MYO16: variants seen among roughly 807,000 people sequenced by gnomAD.
The protein encoded by MYO16 is myosin XVI, also known as unconventional myosin-XVI.
Under a neutral mutation model 205.3 loss-of-function variants are expected in MYO16, and 94 were observed. The observed-to-expected ratio is 0.46, with a 90% CI of 0.39 to 0.54. The LOEUF (loss-of-function observed/expected upper bound fraction) is 0.54, where lower values mean the gene tolerates loss of function less well. MYO16 is among the 20% of genes least tolerant of loss of function. The pLI is 0.00. For synonymous variants in MYO16, 988 were observed against 954.0 expected (o/e 1.04, Z -0.66); for missense variants, 2,315 against 2,387.5 (o/e 0.97, Z 0.63).
chr13:109,090,064 T>C (rs933890222), intron 27 of MYO16, among the ~76,000 whole-genome samples: 7 of 152,202 alleles, frequency 4.6e-5, no homozygotes, highest in African/African-American at 1.7e-4. Context: ...GTTTGAGTGG[T>C]GCATTTGTGT....
intron 4 of MYO16, among the ~76,000 whole-genome samples, chr13:108,747,729 A>T (rs7988524): frequency 6.6e-6 from 1 of 152,130 alleles, no homozygotes; most frequent in Non-Finnish European, 1.5e-5. Flanking sequence ...AATTAAAAGA[A>T]ACAGATCATT....
intron 22 of MYO16, among the ~76,000 whole-genome samples, chr13:109,014,620 G>T (rs1050471229): frequency 6.6e-6 from 1 of 152,156 alleles, no homozygotes; most frequent in African/African-American, 2.4e-5. Flanking sequence ...TCTTCCATTT[G>T]TTTGTGTCCT....
At chr13:109,073,328 G>A (rs1887986386) in intron 27 of MYO16, among the ~76,000 whole-genome samples, 1 of 151,570 alleles carries the variant, frequency 6.6e-6, no homozygotes, top group South Asian at 2.1e-4. Flanking sequence ...GGCCAGGTTG[G>A]TCTCGAACTC....
At chr13:109,152,048 T>C (rs1877700924) in intron 32 of MYO16, among the ~76,000 whole-genome samples, 2 of 152,300 alleles carry the variant, frequency 1.3e-5, no homozygotes, top group Middle Eastern at 3.4e-3. Flanking sequence ...CACAGATCCT[T>C]TCTTAAGTAA....
At chr13:108,897,955 A>G in intron 14 of MYO16, 61 bp from the exon 15 acceptor site, 2 of 1,258,220 alleles carry the variant, frequency 1.6e-6, no homozygotes, top group Non-Finnish European at 2.3e-6. Context: ...CGTCGCTATT[A>G]CTCATCAATT....
the MYO16 span, among the ~76,000 whole-genome samples, chr13:108,540,224 C>T: frequency 6.6e-6 from 1 of 152,218 alleles, no homozygotes; most frequent in African/African-American, 2.4e-5. Context: ...GTCATATATG[C>T]ATATTCATGC....
At chr13:108,953,538 C>T (rs111295452) in intron 16 of MYO16, among the ~76,000 whole-genome samples, 2,256 of 149,654 alleles carry the variant, frequency 0.015, 56 homozygotes, top group African/African-American at 0.051. Context: ...TCTGTTTTAC[C>T]GATAATAAAG....
intron 27 of MYO16, among the ~76,000 whole-genome samples, chr13:109,056,210 A>C (rs771715214): frequency 3.9e-5 from 6 of 152,126 alleles, no homozygotes; most frequent in Non-Finnish European, 8.8e-5. Context: ...CAGCTGAAAA[A>C]TACACTGTGC....
At position 109,207,849 on chromosome 13, in the gene MYO16, T is replaced by C. The variant is rs1250554954; in HGVS notation, c.*1013T>C. On this transcript the variant is annotated 3_prime_UTR_variant, in exon 35 of 35. Transcript: ENST00000457511. The stretch of plus-strand genomic sequence containing the variant: ...TCACTGTATATCCTCAACCCTCCCA[T>C]AATGCAAGGCCTTGTTCATTGATGT... 6.6e-6 allele frequency: 1 copy of C among 152,256 alleles called. No individual in the cohort carries two copies. Among genetic ancestry groups the C allele is most frequent in the Non-Finnish European group, 1.5e-5 (1 of 68,062 alleles). The allele number at this position is 152,256 out of a possible 1,614,324, so 9.4% of individuals were successfully genotyped here.
chr13:108,612,746 T>A (rs1251640410), intron 1 of MYO16, among the ~76,000 whole-genome samples: 1 of 152,176 alleles, frequency 6.6e-6, no homozygotes, highest in African/African-American at 2.4e-5. Context: ...CCATTCCCAT[T>A]ACCTCCTTTC....
rs1882224759 is a variant in MYO16, at chr13:108,930,822, A to C, written c.1925+20672A>C. On this transcript the variant is annotated intron_variant, in intron 16 of 34. Transcript: ENST00000457511. ...TAGAAAAATCAAATATAAATAAACC[A>C]ATGGGAAAGCATTTGCTCTATACTG... Among the ~76,000 whole-genome samples, 3 of 152,218 alleles carry C rather than the reference A, an allele frequency of 2.0e-5. No individual in the cohort carries two copies. In the South Asian group the frequency reaches 6.2e-4, roughly 32 times the overall value.
Position 109,179,650 on chromosome 13 carries a change from G to T in MYO16, c.5415+17G>T. 2 of 1,577,086 alleles carry T rather than the reference G, an allele frequency of 1.3e-6. No homozygotes were observed. The highest frequency in any genetic ancestry group is 1.7e-6 in the Non-Finnish European group (2 of 1,146,380). Reference sequence around the variant, plus strand: ...ACCACTCAGGTAATGATGTCTGTCTGTTCACATGTGCAGTGACAAATGGAA... The same window carrying T: ...ACCACTCAGGTAATGATGTCTGTCTTTTCACATGTGCAGTGACAAATGGAA... On this transcript the variant is annotated intron_variant, in intron 34 of 34. Transcript: ENST00000457511.
intron 15 of MYO16, among the ~76,000 whole-genome samples, chr13:108,907,708 C>T (rs1438899941): frequency 6.6e-6 from 1 of 152,184 alleles, no homozygotes; most frequent in African/African-American, 2.4e-5. Context: ...TTATTCACTG[C>T]TGGAGATGAG....
At chr13:109,197,244 G>T (rs1566559157) in intron 34 of MYO16, among the ~76,000 whole-genome samples, 1 of 152,168 alleles carries the variant, frequency 6.6e-6, no homozygotes, top group African/African-American at 2.4e-5. Context: ...AGTTCCCAGA[G>T]CTTTCTAGTG....
At chr13:108,785,798 G>A in intron 5 of MYO16, 55 bp downstream of exon 5, 1 of 1,152,456 alleles carries the variant, frequency 8.7e-7, no homozygotes, top group Non-Finnish European at 1.3e-6. Flanking sequence ...AATTGTAAGT[G>A]TGTATTCATT....
chr13:108,675,514 G>T (rs1356807564), intron 2 of MYO16, among the ~76,000 whole-genome samples: 1 of 152,038 alleles, frequency 6.6e-6, no homozygotes, highest in African/African-American at 2.4e-5. Context: ...TATTTTAATT[G>T]TCTGCTATAT....
At chr13:108,977,226 C>T (rs1260613845) in intron 20 of MYO16, among the ~76,000 whole-genome samples, 2 of 152,150 alleles carry the variant, frequency 1.3e-5, no homozygotes, top group Non-Finnish European at 2.9e-5. Context: ...TTTTTAACTG[C>T]TGCACTACTT....
At chr13:108,553,172 C>A in the MYO16 span, among the ~76,000 whole-genome samples, 1 of 151,826 alleles carries the variant, frequency 6.6e-6, no homozygotes, top group Non-Finnish European at 1.5e-5. Flanking sequence ...GTGTGTGCCA[C>A]CACGCCCAAC....
chr13:108,540,146 A>G, the MYO16 span, among the ~76,000 whole-genome samples: 1 of 152,152 alleles, frequency 6.6e-6, no homozygotes, highest in Non-Finnish European at 1.5e-5. Context: ...TTGTGCAACT[A>G]TTGAATGAGA....
Sources: allele counts gnomAD v4.1 joint callset (sites outside exome capture counted in the v4.1 genomes callset), GRCh38; gene constraint gnomAD v4.1.1; transcripts MANE v1.5; gene names NCBI Gene and HGNC (gene_info 2026-07-23, HGNC 2026-07-21).